Variants in CDH15 observed in about 807,000 individuals in gnomAD.
CDH15 encodes the protein cadherin 15.
A neutral mutation model predicts 69.4 loss-of-function variants in CDH15; 73 were observed. That is an observed-to-expected ratio of 1.05 (90% CI 0.87 to 1.28). The LOEUF (loss-of-function observed/expected upper bound fraction) is 1.28, where lower values mean the gene tolerates loss of function less well. Among genes scored for constraint, CDH15 ranks in the 50% most tolerant of loss-of-function variants. CDH15 has a pLI of 0.00. For missense variants in CDH15, 1,343 were observed against 1,133.6 expected (o/e 1.18, Z -2.65); for synonymous variants, 624 against 507.7 (o/e 1.23, Z -3.08).
At chr16:89,185,962 A>G (rs1422545141) in intron 5 of CDH15, 1 of 162,286 alleles carries the variant, frequency 6.2e-6, no homozygotes, top group African/African-American at 2.4e-5. Flanking sequence ...ACGCTTACCC[A>G]GCGCAGAGTA....
intron 1 of CDH15, 125 bp from the exon 2 acceptor site, chr16:89,179,291 C>A (rs763670971): frequency 1.8e-6 from 2 of 1,132,306 alleles, no homozygotes; most frequent in African/African-American, 1.5e-5. Flanking sequence ...CCAATGGGCA[C>A]CGACCCGTGG....
At chr16:89,188,650 C>T (rs1178343285) in intron 7 of CDH15, among the ~76,000 whole-genome samples, 3 of 140,568 alleles carry the variant, frequency 2.1e-5, no homozygotes, top group Admixed American at 1.4e-4. Flanking sequence ...GCACAGATGC[C>T]GGCACACACA....
chr16:89,194,041 A>G (rs1007120340), intron 13 of CDH15, 128 bp downstream of exon 13: 1 of 1,088,072 alleles, frequency 9.2e-7, no homozygotes, highest in Non-Finnish European at 1.3e-6. Context: ...GTCCCAGAGC[A>G]CCGCAGAGGA....
chr16:89,180,951 C>G (rs867951989), intron 3 of CDH15, among the ~76,000 whole-genome samples: 9 of 144,754 alleles, frequency 6.2e-5, no homozygotes, highest in Admixed American at 1.4e-4. Flanking sequence ...TCTCGATCTC[C>G]TGAGTGAGCC....
intron 13 of CDH15, among the ~76,000 whole-genome samples, chr16:89,194,501 C>G (rs10438575): frequency 6.6e-6 from 1 of 152,038 alleles, no homozygotes; most frequent in Non-Finnish European, 1.5e-5. Flanking sequence ...GGCCGTTCTG[C>G]GGATGGGGGT....
chr16:89,191,404 T>C lies in CDH15; in HGVS notation c.1307T>C (p.Val436Ala), dbSNP rs747532135. ...ACTGGCCGGATCCAGACCCAGCACGTGCTCAGCCCGGCGTCCCCCTTCCTC... is the reference window on the plus strand; with the variant it reads ...ACTGGCCGGATCCAGACCCAGCACGCGCTCAGCCCGGCGTCCCCCTTCCTC... ...AATGRIQTQH[V>A]LSPASPFLKG... Residue 436 changes from valine (V) to alanine (A), a missense_variant, in exon 9 of 14, where the codon GTG becomes GCG. Coordinates refer to ENST00000289746, the MANE Select transcript of CDH15 (RefSeq NM_004933.3). The C allele has an allele frequency of 1.2e-6, 2 of 1,612,772 alleles. No individual in the cohort carries two copies. Among genetic ancestry groups the C allele is most frequent in the South Asian group, 1.1e-5 (1 of 91,084 alleles).
Position 89,185,208 on chromosome 16 carries a change from G to A in CDH15, c.538G>A (p.Asp180Asn). Reference protein sequence around the residue: ...YVTRAEATDADDPETDNAALR... With the variant: ...YVTRAEATDANDPETDNAALR... ...GACCAGGGCAGAGGCCACAGATGCC[G>A]ACGACCCCGAGACGGACAACGCAGC... Residue 180 changes from aspartate (D) to asparagine (N), a missense_variant, in exon 5 of 14, where the codon GAC (aspartate) becomes AAC (asparagine). Asp to Asn is a conservative substitution (Grantham distance 23, BLOSUM62 1). Transcript: ENST00000289746. 3.7e-6 allele frequency: 6 copies of A among 1,604,364 alleles called. No individual in the cohort carries two copies. The highest frequency in any genetic ancestry group is 5.1e-6 in the Non-Finnish European group (6 of 1,176,264).
chr16:89,193,381 C>T, intron 11 of CDH15, 89 bp from the exon 12 acceptor site: 2 of 922,166 alleles, frequency 2.2e-6, no homozygotes, highest in Non-Finnish European at 3.2e-6. Context: ...CTTGCCCCGC[C>T]CCGCCCCCTC....
chr16:89,183,009 C>T (rs1174426557), intron 3 of CDH15: 1 of 156,010 alleles, frequency 6.4e-6, no homozygotes, highest in Non-Finnish European at 1.4e-5. Flanking sequence ...GATGAAACCT[C>T]ATTTCTACTA....
Position 89,188,228 on chromosome 16 carries a change from G to A in CDH15, c.921G>A (p.Gly307=), listed in dbSNP as rs1915534036. ...CCATCCTGGAAGGCGACCCCGATGGGCAGTTCACCATCCGCACGGACCCCA... is the reference window on the plus strand; with the variant it reads ...CCATCCTGGAAGGCGACCCCGATGGACAGTTCACCATCCGCACGGACCCCA... The part of the protein sequence containing the change: ...RFTILEGDPD[G]QFTIRTDPKT... The change falls in exon 7 of 14, where the codon GGG becomes GGA. Residue 307 remains glycine (G), a synonymous_variant. Coordinates refer to ENST00000289746, the MANE Select transcript of CDH15 (RefSeq NM_004933.3). 1.2e-6 allele frequency: 2 copies of A among 1,613,598 alleles called. No homozygotes were observed. Among genetic ancestry groups the A allele is most frequent in the Non-Finnish European group, 1.7e-6 (2 of 1,179,944 alleles).
At chr16:89,176,911 C>A (rs1362290761) in intron 1 of CDH15, among the ~76,000 whole-genome samples, 1 of 152,188 alleles carries the variant, frequency 6.6e-6, no homozygotes, top group Non-Finnish European at 1.5e-5. Flanking sequence ...GGCAGCCCAG[C>A]AGCCTGAGGG....
At position 89,189,722 on chromosome 16, in the gene CDH15, C is replaced by T. The variant is rs931274506; in HGVS notation, c.979-521C>T. On this transcript the variant is annotated intron_variant, in intron 7 of 13. Coordinates refer to ENST00000289746, the MANE Select transcript of CDH15 (RefSeq NM_004933.3). Reference sequence around the variant, plus strand: ...TAGGAGACACATGCACAGATATGTCCACACGTGTAGATGTGGGTGTATTTA... The same window carrying T: ...TAGGAGACACATGCACAGATATGTCTACACGTGTAGATGTGGGTGTATTTA... Among the ~76,000 whole-genome samples the T allele has an allele frequency of 6.6e-5, 10 of 152,358 alleles. No homozygotes were observed. In the South Asian group the frequency reaches 1.2e-3, roughly 19 times the overall value.
intron 1 of CDH15, 39 bp downstream of exon 1, chr16:89,171,912 C>G: frequency 6.5e-7 from 1 of 1,529,416 alleles, no homozygotes; most frequent in Non-Finnish European, 8.8e-7. Flanking sequence ...CGCTGCCTCC[C>G]TCGACGCTGC....
At chr16:89,177,978 C>T (rs1040652250) in intron 1 of CDH15, among the ~76,000 whole-genome samples, 16 of 152,144 alleles carry the variant, frequency 1.1e-4, no homozygotes, top group African/African-American at 3.6e-4. Context: ...AAGGTGGGGC[C>T]GGGCACCCCA....
chr16:89,179,622 C>T (rs905079139), intron 2 of CDH15, 48 bp downstream of exon 2: 6 of 1,503,962 alleles, frequency 4.0e-6, no homozygotes, highest in Non-Finnish European at 4.5e-6. Context: ...AGGCTGGTCC[C>T]CAGTGGGCCT....
intron 13 of CDH15, 89 bp from the exon 14 acceptor site, chr16:89,194,773 T>G: frequency 2.6e-5 from 35 of 1,347,974 alleles, no homozygotes; most frequent in Non-Finnish European, 3.4e-5. Context: ...GCCCGTGCCT[T>G]GAGCTGACTT....
At chr16:89,185,629 G>T (rs554971536) in intron 5 of CDH15, 7 of 500,452 alleles carry the variant, frequency 1.4e-5, no homozygotes, top group East Asian at 3.6e-5. Flanking sequence ...ACGGCTCCCC[G>T]CTGGTAAGTA....
At chr16:89,190,762 C>T (rs770164322) in intron 8 of CDH15, among the ~76,000 whole-genome samples, 1 of 152,154 alleles carries the variant, frequency 6.6e-6, no homozygotes, top group Non-Finnish European at 1.5e-5. Context: ...GCCCTTGCTC[C>T]CAAGGGACTG....
Position 89,185,303 on chromosome 16 carries a change from CCG to C in CDH15, c.635_636del (p.Arg212HisfsTer39). The C allele has an allele frequency of 6.2e-7, 1 of 1,605,652 alleles. No individual in the cohort carries two copies. The highest frequency in any genetic ancestry group is 1.1e-5 in the South Asian group (1 of 89,562). ...FSIDELTGEI[R>X]TVQVGLDREV... is the part of the protein sequence containing the mutation. Reference sequence around the variant, plus strand: ...GCATCGACGAGCTCACAGGAGAGATCCGCACAGTGCAAGTGGGGCTGGACCGC... The same window carrying C: ...GCATCGACGAGCTCACAGGAGAGATCCACAGTGCAAGTGGGGCTGGACCGC... On this transcript the variant is annotated frameshift_variant, in exon 5 of 14. Coordinates refer to ENST00000289746, the MANE Select transcript of CDH15 (RefSeq NM_004933.3). LOFTEE classifies it high-confidence loss of function.
Sources: gnomAD v4.1 joint callset for allele counts (sites outside exome capture counted in the v4.1 genomes callset) on GRCh38, gnomAD v4.1.1 for gene constraint, MANE v1.5 for transcripts, NCBI Gene and HGNC (gene_info 2026-07-23, HGNC 2026-07-21) for gene names.